INSC: variants seen among roughly 807,000 people sequenced by gnomAD.
INSC encodes protein inscuteable homolog.
A neutral mutation model predicts 58.6 loss-of-function variants in INSC; 67 were observed. The observed-to-expected ratio is 1.14, with a 90% CI of 0.94 to 1.40. INSC has a LOEUF of 1.40. INSC is among the 40% of genes most tolerant of loss of function. The pLI is 0.00. For synonymous variants in INSC, 262 were observed against 276.1 expected (o/e 0.95, Z 0.51); for missense variants, 714 against 692.0 (o/e 1.03, Z -0.36).
chr11:15,164,990 T>C (rs902104963), intron 2 of INSC, among the ~76,000 whole-genome samples: 1 of 152,224 alleles, frequency 6.6e-6, no homozygotes, highest in Non-Finnish European at 1.5e-5. Flanking sequence ...CTCTTTTTCC[T>C]TATAAATTAC....
At chr11:15,159,092 A>G (rs1327160286) in intron 2 of INSC, among the ~76,000 whole-genome samples, 1 of 152,122 alleles carries the variant, frequency 6.6e-6, no homozygotes, top group Non-Finnish European at 1.5e-5. Context: ...GCCCGTTTGG[A>G]GGGCAGAGCT....
chr11:15,218,081 A>C (rs1030706241), intron 7 of INSC, among the ~76,000 whole-genome samples: 9 of 152,194 alleles, frequency 5.9e-5, no homozygotes, highest in African/African-American at 2.2e-4. Flanking sequence ...CATTTAGAAG[A>C]ATATTTATAG....
At chr11:15,245,835 T>C in intron 12 of INSC, 77 bp from the exon 13 acceptor site, 1 of 1,532,446 alleles carries the variant, frequency 6.5e-7, no homozygotes. Context: ...AATGCACATT[T>C]CAGGGTAGGT....
chr11:15,142,813 T>C (rs1848403324), intron 1 of INSC, among the ~76,000 whole-genome samples: 1 of 152,116 alleles, frequency 6.6e-6, no homozygotes, highest in African/African-American at 2.4e-5. Context: ...TTTTGTTTTT[T>C]TGTATATATA....
chr11:15,204,010 G>C (rs1850698539), intron 7 of INSC, among the ~76,000 whole-genome samples: 1 of 152,174 alleles, frequency 6.6e-6, no homozygotes, highest in Non-Finnish European at 1.5e-5. Context: ...TTGCAACAGA[G>C]ACCATATAGC....
chr11:15,146,718 T>C (rs1295694303), intron 1 of INSC, among the ~76,000 whole-genome samples: 1 of 152,236 alleles, frequency 6.6e-6, no homozygotes, highest in Non-Finnish European at 1.5e-5. Flanking sequence ...ACTGCTTCTT[T>C]CTGAAGGGTT....
chr11:15,240,454 C>T lies in INSC; in HGVS notation c.1401C>T (p.Ser467=). Residue 467 remains serine (S), a synonymous_variant, in exon 12 of 13, where the codon TCC becomes TCT. Coordinates refer to ENST00000379556, the MANE Select transcript of INSC (RefSeq NM_001042536.3). ...TCCCTGTGTCTCCTACAGGCATGTC[C>T]CGTCTCATCGAGCTCTGCAGATCCC... is the stretch of plus-strand genomic sequence containing the variant. ...AREAVRLSCM[S]RLIELCRSPS... 3 of 1,613,806 alleles carry T rather than the reference C, an allele frequency of 1.9e-6. No homozygotes were observed. The highest frequency in any genetic ancestry group is 2.5e-6 in the Non-Finnish European group (3 of 1,179,864).
chr11:15,158,860 G>GTATT (rs1554907670), intron 2 of INSC, among the ~76,000 whole-genome samples: 10,507 of 109,734 alleles, frequency 0.096, 644 homozygotes, highest in African/African-American at 0.18. Flanking sequence ...ATTGTTGGTG[G>GTATT]TTTTTTTTTT....
chr11:15,147,396 A>T (rs1848520257), intron 1 of INSC, among the ~76,000 whole-genome samples: 1 of 152,210 alleles, frequency 6.6e-6, no homozygotes, highest in African/African-American at 2.4e-5. Context: ...ATAGCTGACC[A>T]GAGAGCTGAG....
the INSC span, among the ~76,000 whole-genome samples, chr11:15,260,902 T>C: frequency 6.6e-6 from 1 of 152,190 alleles, no homozygotes; most frequent in Non-Finnish European, 1.5e-5. Flanking sequence ...AGCTACAAAT[T>C]AATATAGAGT....
chr11:15,187,513 G>A (rs1850013299), intron 5 of INSC, among the ~76,000 whole-genome samples: 2 of 152,120 alleles, frequency 1.3e-5, no homozygotes, highest in African/African-American at 4.8e-5. Flanking sequence ...GGCTCCTTCT[G>A]AGGAACTCAT....
chr11:15,229,540 C>T (rs940168650), intron 9 of INSC, among the ~76,000 whole-genome samples: 5 of 152,112 alleles, frequency 3.3e-5, no homozygotes, highest in African/African-American at 1.2e-4. Context: ...ATTTCCTCAT[C>T]TGTGTAATGG....
At chr11:15,229,958 A>ATAT (rs1196715488) in intron 9 of INSC, among the ~76,000 whole-genome samples, 1 of 32,218 alleles carries the variant, frequency 3.1e-5, no homozygotes, top group African/African-American at 1.3e-4. Flanking sequence ...TTATATATAT[A>ATAT]TTTATATATA....
chr11:15,115,421 G>C (rs1438474173), intron 1 of INSC, among the ~76,000 whole-genome samples: 1 of 152,172 alleles, frequency 6.6e-6, no homozygotes, highest in Non-Finnish European at 1.5e-5. Flanking sequence ...GCAGAAATTG[G>C]GGCTAGGGAG....
At chr11:15,224,330 G>A (rs1284412600) in intron 8 of INSC, among the ~76,000 whole-genome samples, 1 of 152,300 alleles carries the variant, frequency 6.6e-6, no homozygotes, top group East Asian at 1.9e-4. Flanking sequence ...CACTGCAGGT[G>A]TTTGACTAAT....
chr11:15,186,083 G>A (rs1849955120), intron 5 of INSC, among the ~76,000 whole-genome samples: 1 of 152,092 alleles, frequency 6.6e-6, no homozygotes, highest in African/African-American at 2.4e-5. Context: ...TTCCACACTT[G>A]CTGCATTTGA....
chr11:15,181,382 G>A (rs117444768), intron 5 of INSC, among the ~76,000 whole-genome samples: 1,582 of 152,306 alleles, frequency 0.01, 22 homozygotes, highest in South Asian at 0.06. Flanking sequence ...CTAAGAAGTC[G>A]TGTGGGCTCT....
chr11:15,244,447 A>G (rs1468010550), intron 12 of INSC, among the ~76,000 whole-genome samples: 1 of 152,024 alleles, frequency 6.6e-6, no homozygotes, highest in Non-Finnish European at 1.5e-5. Flanking sequence ...AGCTCAAACT[A>G]TCCTCTCTTT....
intron 8 of INSC, among the ~76,000 whole-genome samples, chr11:15,224,648 C>T (rs893951942): frequency 3.9e-5 from 6 of 152,150 alleles, no homozygotes; most frequent in East Asian, 1.9e-4. Flanking sequence ...GAGGGCCAGA[C>T]GTCAGGTCCA....
Sources: gnomAD v4.1 joint callset for allele counts (sites outside exome capture counted in the v4.1 genomes callset) on GRCh38, gnomAD v4.1.1 for gene constraint, MANE v1.5 for transcripts, NCBI Gene and HGNC (gene_info 2026-07-23, HGNC 2026-07-21) for gene names.